The following SUSD6 variants were observed in gnomAD, a reference collection of about 807,000 sequenced individuals.
The protein encoded by SUSD6 is sushi domain containing 6.
A neutral mutation model predicts 28.4 loss-of-function variants in SUSD6; 16 were observed. The observed-to-expected ratio is 0.56, with a 90% CI of 0.38 to 0.86. The LOEUF is 0.86. Ranked by LOEUF, SUSD6 falls within the 40% of genes least tolerant of loss-of-function variation. SUSD6 has a pLI of 0.00. For synonymous variants in SUSD6, 147 were observed against 159.6 expected, an observed-to-expected ratio of 0.92 and a Z score of 0.59; for missense variants, 341 against 384.2, an observed-to-expected ratio of 0.89 and a Z score of 0.94.
At chr14:69,685,114 A>G (rs1425570190) in intron 2 of SUSD6, among the ~76,000 whole-genome samples, 1 of 152,234 alleles carries the variant, frequency 6.6e-6, no homozygotes, top group Non-Finnish European at 1.5e-5. Context: ...GAGAGGACTC[A>G]GGAAGGGTTG....
In SUSD6 at chr14:69,695,443, G is replaced by A. The variant is rs186876315; in HGVS notation, c.122-7952G>A. 1.1e-4 allele frequency among the ~76,000 whole-genome samples: 17 copies of A among 152,326 alleles called. No homozygotes were observed. The South Asian group carries it at 2.3e-3, about 20-fold the overall frequency. ...GAACCTTGGAGAGGTAGTGAGGCCC[G>A]CCAACTTTAGACAAATTTGCAAATG... On this transcript the variant is annotated intron_variant, in intron 2 of 5. Transcript: ENST00000342745.
rs368505389 is a variant in SUSD6 at position 69,627,661 on chromosome 14, T to G, written c.-81+15833T>G. ...TTGTATTTTTAGTAGAGATGGGGTT[T>G]CACCGTGTTAGCCAGGATGGTCTCG... On this transcript the variant is annotated intron_variant, in intron 1 of 5. Coordinates refer to ENST00000342745, the MANE Select transcript of SUSD6 (RefSeq NM_014734.4). Among the ~76,000 whole-genome samples the G allele has an allele frequency of 8.4e-4, 128 of 152,130 alleles. 1 individual carries two copies. The South Asian group carries it at 0.015, about 18-fold the overall frequency.
intron 1 of SUSD6, among the ~76,000 whole-genome samples, chr14:69,613,223 T>A (rs1884907475): frequency 6.6e-6 from 1 of 152,218 alleles, no homozygotes; most frequent in Non-Finnish European, 1.5e-5. Flanking sequence ...AACAGACTTT[T>A]GATGTAGATA....
rs1197580747 is a variant in SUSD6 at position 69,704,746 on chromosome 14, A to G, written c.458+4A>G. On this transcript the variant is annotated splice_donor_region_variant and intron_variant, in intron 4 of 5. Coordinates refer to ENST00000342745, the MANE Select transcript of SUSD6 (RefSeq NM_014734.4). ...TGAAGTCTTTCCATCATAGCAGGTG[A>G]GTCCAGTGGCAGAGCTGACATGAGA... 1 of 1,613,178 alleles carries G rather than the reference A, an allele frequency of 6.2e-7. No individual in the cohort carries two copies. The highest frequency in any genetic ancestry group is 8.5e-7 in the Non-Finnish European group (1 of 1,179,738).
At chr14:69,662,058 A>G (rs537965480) in intron 2 of SUSD6, among the ~76,000 whole-genome samples, 2 of 152,296 alleles carry the variant, frequency 1.3e-5, no homozygotes, top group South Asian at 2.1e-4. Flanking sequence ...TGCTGGGATT[A>G]TAGGTGTGAA....
chr14:69,620,199 G>A (rs550847221), intron 1 of SUSD6, among the ~76,000 whole-genome samples: 9 of 152,326 alleles, frequency 5.9e-5, no homozygotes, highest in African/African-American at 2.2e-4. Context: ...CCTTGTTTCT[G>A]TCCTGTGGGA....
intron 1 of SUSD6, among the ~76,000 whole-genome samples, chr14:69,616,771 C>G (rs975206601): frequency 6.6e-6 from 1 of 151,926 alleles, no homozygotes; most frequent in African/African-American, 2.4e-5. Context: ...ATGGTAGTAC[C>G]TGTACATTCA....
At position 69,647,233 on chromosome 14, in the gene SUSD6, TATATC is replaced by T. The variant is rs572009622; in HGVS notation, c.-80-11278_-80-11274del. On this transcript the variant is annotated intron_variant, in intron 1 of 5. Coordinates refer to ENST00000342745, the MANE Select transcript of SUSD6 (RefSeq NM_014734.4). ...ATTTGATTTTTGGCCACACTGAAATTATATCAGGAAGACTCTTTTGAAAGATAAAT... is the reference window on the plus strand; with the variant it reads ...ATTTGATTTTTGGCCACACTGAAATTAGGAAGACTCTTTTGAAAGATAAAT... 8.4e-3 allele frequency among the ~76,000 whole-genome samples: 1,275 copies of T among 152,334 alleles called. 13 individuals are homozygous for T. Among genetic ancestry groups the T allele is most frequent in the Non-Finnish European group, 0.014 (924 of 68,038 alleles).
At chr14:69,617,319 A>G (rs1884973579) in intron 1 of SUSD6, 1 of 152,214 alleles carries the variant, frequency 6.6e-6, no homozygotes, top group Admixed American at 6.5e-5. Context: ...AGCTGCATCC[A>G]TCCATATCTC....
intron 1 of SUSD6, among the ~76,000 whole-genome samples, chr14:69,645,296 C>A (rs118088814): frequency 5.9e-5 from 9 of 152,262 alleles, no homozygotes; most frequent in Non-Finnish European, 1.3e-4. Flanking sequence ...AGGGAAATGG[C>A]AGAAACTGGG....
intron 1 of SUSD6, among the ~76,000 whole-genome samples, chr14:69,628,529 C>T (rs1378549648): frequency 6.6e-6 from 1 of 152,092 alleles, no homozygotes; most frequent in Non-Finnish European, 1.5e-5. Context: ...AGAAAAATCC[C>T]CTGGGGAGTG....
At chr14:69,654,799 G>A (rs1475086327) in intron 1 of SUSD6, among the ~76,000 whole-genome samples, 1 of 130,442 alleles carries the variant, frequency 7.7e-6, no homozygotes, top group African/African-American at 3.1e-5. Context: ...TGGTGTGTGT[G>A]TGTGTGTGTG....
intron 2 of SUSD6, among the ~76,000 whole-genome samples, chr14:69,677,165 G>A (rs1224363132): frequency 6.6e-6 from 1 of 152,246 alleles, no homozygotes; most frequent in Non-Finnish European, 1.5e-5. Flanking sequence ...CAGTCTGTCT[G>A]CCAGCTTGAT....
intron 1 of SUSD6, among the ~76,000 whole-genome samples, chr14:69,654,663 C>T (rs1344512744): frequency 6.6e-6 from 1 of 151,746 alleles, no homozygotes; most frequent in Non-Finnish European, 1.5e-5. Flanking sequence ...GTACAAAGTA[C>T]AACACTCAAT....
At chr14:69,663,600 GCT>G (rs1193541193) in intron 2 of SUSD6, among the ~76,000 whole-genome samples, 4 of 152,194 alleles carry the variant, frequency 2.6e-5, no homozygotes, top group Non-Finnish European at 5.9e-5. Flanking sequence ...TATGTGTCAG[GCT>G]CTGTTATCGT....
At chr14:69,708,067 T>A (rs923175976) in intron 4 of SUSD6, among the ~76,000 whole-genome samples, 2 of 152,228 alleles carry the variant, frequency 1.3e-5, no homozygotes, top group Admixed American at 6.5e-5. Flanking sequence ...TCAAAGTTTT[T>A]AAAAAGTTTA....
chr14:69,614,347 G>A (rs1273516545), intron 1 of SUSD6, among the ~76,000 whole-genome samples: 2 of 152,226 alleles, frequency 1.3e-5, no homozygotes, highest in Non-Finnish European at 2.9e-5. Flanking sequence ...GATTACGGGC[G>A]TGAGCCACCG....
chr14:69,673,434 C>T (rs1595050710), intron 2 of SUSD6, among the ~76,000 whole-genome samples: 1 of 152,262 alleles, frequency 6.6e-6, no homozygotes, highest in East Asian at 1.9e-4. Context: ...CTGAAAAAAA[C>T]CTGTCTGACT....
At chr14:69,668,424 C>G (rs1885777746) in intron 2 of SUSD6, among the ~76,000 whole-genome samples, 1 of 151,898 alleles carries the variant, frequency 6.6e-6, no homozygotes, top group South Asian at 2.1e-4. Flanking sequence ...CATTTGAGGT[C>G]AGGAGTTTGA....
Sources: gnomAD v4.1 joint callset for allele counts (sites outside exome capture counted in the v4.1 genomes callset) on GRCh38, gnomAD v4.1.1 for gene constraint, MANE v1.5 for transcripts, NCBI Gene and HGNC (gene_info 2026-07-23, HGNC 2026-07-21) for gene names.